The following SGCD variants were observed in gnomAD, a reference collection of about 807,000 sequenced individuals.
SGCD encodes the protein sarcoglycan delta.
A neutral mutation model predicts 36.6 loss-of-function variants in SGCD; 18 were observed. The observed-to-expected ratio is 0.49, with a 90% CI of 0.34 to 0.73. SGCD has a LOEUF of 0.73. Among genes scored for constraint, SGCD ranks in the 30% least tolerant of loss-of-function variants. SGCD has a pLI of 0.01. For synonymous variants in SGCD, 133 were observed against 130.6 expected, an observed-to-expected ratio of 1.02 and a Z score of -0.12; for missense variants, 387 against 346.7, an observed-to-expected ratio of 1.12 and a Z score of -0.92.
intron 1 of SGCD, among the ~76,000 whole-genome samples, chr5:156,079,765 A>G (rs113522184): frequency 7.7e-4 from 118 of 152,292 alleles, no homozygotes; most frequent in East Asian, 7.7e-4. Flanking sequence ...ATGCCTTTAC[A>G]TATTTTAGCT....
At chr5:155,782,138 C>T in the SGCD span, among the ~76,000 whole-genome samples, 1 of 151,224 alleles carries the variant, frequency 6.6e-6, no homozygotes, top group African/African-American at 2.4e-5. Flanking sequence ...GATTCTCCTG[C>T]TTCAGCCTCC....
intron 1 of SGCD, among the ~76,000 whole-genome samples, chr5:155,933,620 G>T (rs982691037): frequency 6.6e-6 from 1 of 152,168 alleles, no homozygotes; most frequent in Admixed American, 6.5e-5. Context: ...GCTTAAGATG[G>T]AACTGACAGC....
At chr5:155,997,517 T>C (rs1758576837) in intron 1 of SGCD, among the ~76,000 whole-genome samples, 1 of 152,228 alleles carries the variant, frequency 6.6e-6, no homozygotes, top group Admixed American at 6.5e-5. Context: ...ATGAAATACA[T>C]CGCTCAACAT....
intron 3 of SGCD, among the ~76,000 whole-genome samples, chr5:156,357,035 G>C (rs959022941): frequency 5.3e-5 from 8 of 152,176 alleles, no homozygotes; most frequent in African/African-American, 1.9e-4. Context: ...TAAGCTGAGA[G>C]TTTTGTGATA....
At chr5:156,684,042 G>A (rs1753817303) in intron 7 of SGCD, among the ~76,000 whole-genome samples, 2 of 152,180 alleles carry the variant, frequency 1.3e-5, no homozygotes, top group Admixed American at 6.5e-5. Context: ...AGCCAGGGAC[G>A]AGGTTTGTCT....
chr5:156,615,332 G>C (rs1450938590), intron 6 of SGCD, among the ~76,000 whole-genome samples: 1 of 152,182 alleles, frequency 6.6e-6, no homozygotes, highest in Non-Finnish European at 1.5e-5. Context: ...TTATACTGTA[G>C]ATTAGTTTTT....
At chr5:156,350,466 C>CT (rs1358368395) in intron 3 of SGCD, among the ~76,000 whole-genome samples, 5 of 151,802 alleles carry the variant, frequency 3.3e-5, no homozygotes, top group African/African-American at 9.7e-5. Flanking sequence ...TGGAATTTTA[C>CT]TTTTTTTGTC....
At chr5:156,423,243 T>TATA (rs1561685433) in intron 3 of SGCD, among the ~76,000 whole-genome samples, 161 of 3,746 alleles carry the variant, frequency 0.043, 2 homozygotes, top group South Asian at 0.083. Flanking sequence ...TATATTATAT[T>TATA]TTATAATATT....
intron 6 of SGCD, among the ~76,000 whole-genome samples, chr5:156,622,264 C>G (rs1176564689): frequency 6.6e-6 from 1 of 151,870 alleles, no homozygotes; most frequent in East Asian, 1.9e-4. Context: ...GAAACTTTGT[C>G]TCTACTAAAA....
At chr5:156,186,104 A>T (rs1763753853) in intron 3 of SGCD, among the ~76,000 whole-genome samples, 1 of 151,650 alleles carries the variant, frequency 6.6e-6, no homozygotes, top group Admixed American at 6.6e-5. Flanking sequence ...ACCTATTTCC[A>T]ACTTTGTGAG....
chr5:156,669,816 G>A (rs1359959373), intron 7 of SGCD, among the ~76,000 whole-genome samples: 1 of 152,074 alleles, frequency 6.6e-6, no homozygotes, highest in Non-Finnish European at 1.5e-5. Context: ...TTGTAACTGT[G>A]ATCCATAACT....
At chr5:156,265,772 A>G (rs1384911828) in intron 3 of SGCD, among the ~76,000 whole-genome samples, 1 of 152,120 alleles carries the variant, frequency 6.6e-6, no homozygotes, top group Non-Finnish European at 1.5e-5. Flanking sequence ...ATGAACAAGC[A>G]TAATGGAATA....
chr5:156,349,930 C>T (rs1226451036), intron 3 of SGCD, among the ~76,000 whole-genome samples: 2 of 151,840 alleles, frequency 1.3e-5, no homozygotes, highest in African/African-American at 4.8e-5. Flanking sequence ...ATGGCTTTTA[C>T]AGCAAGTTGT....
rs79333678 is a variant in SGCD at position 155,962,413 on chromosome 5, T to A, written c.-282+91989T>A. ...GCACTAACTGGACTTTTCCTGCCCA[T>A]CCACTAACCTAGGTCATGCTGAGGA... On this transcript the variant is annotated intron_variant, in intron 1 of 9. Transcript: ENST00000517913. 2.7e-3 allele frequency among the ~76,000 whole-genome samples: 409 copies of A among 152,186 alleles called. 3 individuals are homozygous for A. The highest frequency in any genetic ancestry group is 9.1e-3 in the African/African-American group (376 of 41,542).
chr5:156,171,468 A>G (rs1763346766), intron 3 of SGCD, among the ~76,000 whole-genome samples: 1 of 152,246 alleles, frequency 6.6e-6, no homozygotes. Flanking sequence ...CCTGGGTTAT[A>G]CTAAATATAA....
chr5:156,082,228 A>G (rs1050036570), intron 1 of SGCD, among the ~76,000 whole-genome samples: 4 of 101,706 alleles, frequency 3.9e-5, no homozygotes, highest in African/African-American at 1.5e-4. Flanking sequence ...TTTGGTAAGG[A>G]GGGTTGAGAG....
intron 2 of SGCD, among the ~76,000 whole-genome samples, chr5:156,122,720 G>A (rs1434914707): frequency 6.6e-6 from 1 of 151,698 alleles, no homozygotes; most frequent in East Asian, 2.0e-4. Flanking sequence ...GTTTTGAGCA[G>A]GGGAGTGTCA....
At chr5:156,192,591 T>C (rs936543715) in intron 3 of SGCD, among the ~76,000 whole-genome samples, 15 of 151,988 alleles carry the variant, frequency 9.9e-5, no homozygotes, top group African/African-American at 3.6e-4. Flanking sequence ...GCGTATTATG[T>C]ATTTCAAAAT....
At chr5:155,862,178 C>G in the SGCD span, among the ~76,000 whole-genome samples, 6 of 152,072 alleles carry the variant, frequency 3.9e-5, no homozygotes, top group Non-Finnish European at 8.8e-5. Context: ...CCTATGTAAG[C>G]CTTCACTTTA....
Sources: gnomAD v4.1 joint callset for allele counts (sites outside exome capture counted in the v4.1 genomes callset) on GRCh38, gnomAD v4.1.1 for gene constraint, MANE v1.5 for transcripts, NCBI Gene and HGNC (gene_info 2026-07-23, HGNC 2026-07-21) for gene names.